The following PIEZO1 variants were observed in gnomAD, a reference collection of about 807,000 sequenced individuals.
PIEZO1 encodes the protein piezo-type mechanosensitive ion channel component 1.
Under a neutral mutation model 297.2 loss-of-function variants are expected in PIEZO1, and 296 were observed. That is an observed-to-expected ratio of 1.00 (90% CI 0.91 to 1.10). The LOEUF (loss-of-function observed/expected upper bound fraction) is 1.10, where lower values mean the gene tolerates loss of function less well. PIEZO1 is among the 50% of genes least tolerant of loss of function. The pLI is 0.00. For missense variants in PIEZO1, 5,018 were observed against 3,455.5 expected, an observed-to-expected ratio of 1.45 and a Z score of -11.34; for synonymous variants, 2,427 against 1,507.5, an observed-to-expected ratio of 1.61 and a Z score of -14.13.
chr16:88,715,628 T>C lies in PIEZO1; in HGVS notation c.7543A>G (p.Lys2515Glu). The change falls in exon 51 of 51, where the codon AAG becomes GAG. Residue 2515 changes from lysine to glutamate, a missense_variant. Lys to Glu is a moderately conservative substitution (Grantham distance 56). Transcript: ENST00000301015. ...TCCTACTCCTTCTCACGAGTCCACT[T>C]GATCATGGTCTCCGGTGAGCGGTAG... ...FLYRSPETMI[K>E]WTREKE The C allele has an allele frequency of 6.5e-7, 1 of 1,550,076 alleles. No homozygotes were observed. The highest frequency in any genetic ancestry group is 8.7e-7 in the Non-Finnish European group (1 of 1,146,890).
At chr16:88,735,712 G>A (rs575830046) in intron 12 of PIEZO1, among the ~76,000 whole-genome samples, 3 of 152,272 alleles carry the variant, frequency 2.0e-5, no homozygotes, top group Admixed American at 6.5e-5. Context: ...ACATGGACAC[G>A]CAGGCACCCT....
intron 2 of PIEZO1, chr16:88,743,518 G>C (rs868531887): frequency 4.4e-6 from 2 of 456,382 alleles, no homozygotes; most frequent in Non-Finnish European, 4.4e-6. Context: ...GTCCAAGGTG[G>C]TGAATGTCAC....
chr16:88,720,061 G>C lies in PIEZO1; in HGVS notation c.6164+8C>G, dbSNP rs749121404. 3.7e-5 allele frequency: 57 copies of C among 1,549,946 alleles called. 1 individual carries two copies. In the Middle Eastern group the frequency reaches 4.2e-3, roughly 113 times the overall value. ...CTGGAGACCGAGCGCCCCCACGCGT[G>C]GGCCCACCTCTCAGTGACGGCGGGC... On this transcript the variant is annotated splice_region_variant and intron_variant, in intron 42 of 50. Coordinates refer to ENST00000301015, the MANE Select transcript of PIEZO1 (RefSeq NM_001142864.4).
At chr16:88,754,885 G>A (rs1250582702) in intron 1 of PIEZO1, among the ~76,000 whole-genome samples, 2 of 152,214 alleles carry the variant, frequency 1.3e-5, no homozygotes, top group Admixed American at 6.5e-5. Context: ...TGGGGGCATC[G>A]TGTGAACGAA....
In PIEZO1 at chr16:88,732,657, C is replaced by T. The variant is rs1904941062; in HGVS notation, c.2740G>A (p.Ala914Thr). 1 of 1,549,604 alleles carries T rather than the reference C, an allele frequency of 6.5e-7. No homozygotes were observed. Among genetic ancestry groups the T allele is most frequent in the South Asian group, 1.2e-5 (1 of 84,032 alleles). ...CCTTTCCGCACCCCAAACCAGTTGGCAGGGTCCACGGGCCCCCGGTACAGC... is the reference window on the plus strand; with the variant it reads ...CCTTTCCGCACCCCAAACCAGTTGGTAGGGTCCACGGGCCCCCGGTACAGC... ...SLLYRGPVDP[A>T]NWFGVRKGFP... is the part of the protein sequence containing the mutation. The change falls in exon 20 of 51, where the codon GCC (alanine) becomes ACC (threonine). Residue 914 changes from alanine to threonine, a missense_variant. Coordinates refer to ENST00000301015, the MANE Select transcript of PIEZO1 (RefSeq NM_001142864.4).
At chr16:88,750,769 G>C (rs1208460632) in intron 1 of PIEZO1, among the ~76,000 whole-genome samples, 3 of 152,196 alleles carry the variant, frequency 2.0e-5, no homozygotes, top group Non-Finnish European at 4.4e-5. Flanking sequence ...AGCCTTTCCG[G>C]GGCTACCAGG....
At position 88,742,335 on chromosome 16, in the gene PIEZO1, A is replaced by C. The variant is rs6500495; in HGVS notation, c.248T>G (p.Ile83Ser). The change falls in exon 3 of 51, where the codon ATT (isoleucine) becomes AGT (serine). Residue 83 changes from isoleucine (I) to serine (S), a missense_variant. Ile to Ser is a moderately radical substitution (Grantham distance 142, BLOSUM62 -2). Coordinates refer to ENST00000301015, the MANE Select transcript of PIEZO1 (RefSeq NM_001142864.4). ...CAGGAGCTGGTCCAGGCGGGGCACA[A>C]TATGCAGGCAGATCTGGAGGGCGAG... ...AHLALQICLH[I>S]VPRLDQLLGP... is the part of the protein sequence containing the mutation. 1.3e-6 allele frequency: 2 copies of C among 1,535,152 alleles called. No homozygotes were observed.
chr16:88,742,899 A>G (rs1905782058), intron 2 of PIEZO1: 2 of 370,586 alleles, frequency 5.4e-6, no homozygotes, highest in Non-Finnish European at 5.5e-6. Context: ...GGCTCTGGAG[A>G]AAAGTGGGGC....
At chr16:88,776,018 T>C (rs1350976860) in intron 1 of PIEZO1, among the ~76,000 whole-genome samples, 1 of 152,084 alleles carries the variant, frequency 6.6e-6, no homozygotes, top group Non-Finnish European at 1.5e-5. Flanking sequence ...GCACAGGCCG[T>C]GGGGCAGTCG....
intron 1 of PIEZO1, among the ~76,000 whole-genome samples, chr16:88,752,179 G>T (rs1369243901): frequency 6.6e-6 from 1 of 152,212 alleles, no homozygotes; most frequent in Non-Finnish European, 1.5e-5. Context: ...GCCCTTCAAT[G>T]CGGCTAACGT....
At chr16:88,726,502 G>A (rs1186496949) in intron 26 of PIEZO1, 45 bp downstream of exon 26, 1 of 1,546,608 alleles carries the variant, frequency 6.5e-7, no homozygotes, top group Non-Finnish European at 8.7e-7. Flanking sequence ...CCCAGGAGCA[G>A]GGGGCTTCCC....
chr16:88,747,440 C>T (rs181124493), intron 2 of PIEZO1, among the ~76,000 whole-genome samples: 2,091 of 152,304 alleles, frequency 0.014, 20 homozygotes, highest in Non-Finnish European at 0.022. Flanking sequence ...CGCTTGAACC[C>T]GCGAGGCGGA....
At chr16:88,736,611 G>A (rs1266706285) in intron 11 of PIEZO1, 28 bp downstream of exon 11, 4 of 1,511,168 alleles carry the variant, frequency 2.6e-6, no homozygotes, top group East Asian at 2.5e-5. Context: ...AGAGGGGGCC[G>A]CCCACCCCAA....
At chr16:88,764,706 G>A (rs571462520) in intron 1 of PIEZO1, among the ~76,000 whole-genome samples, 7 of 147,104 alleles carry the variant, frequency 4.8e-5, no homozygotes, top group African/African-American at 1.3e-4. Context: ...AGCTGGGATC[G>A]CACCACTGCA....
chr16:88,718,070 C>G (rs1364275856), intron 44 of PIEZO1: 1 of 245,614 alleles, frequency 4.1e-6, no homozygotes, highest in Non-Finnish European at 8.1e-6. Flanking sequence ...GATCCTATCT[C>G]AAAAGCCCAA....
In PIEZO1 at chr16:88,732,666, C is replaced by A. The variant is rs554899632; in HGVS notation, c.2731G>T (p.Val911Leu). 170 of 1,549,548 alleles carry A rather than the reference C, an allele frequency of 1.1e-4. No individual in the cohort carries two copies. Among genetic ancestry groups the A allele is most frequent in the Non-Finnish European group, 1.5e-4 (167 of 1,146,518 alleles). Residue 911 changes from valine to leucine, a missense_variant, in exon 20 of 51, where the codon GTG becomes TTG. Val to Leu is a conservative substitution (Grantham distance 32, BLOSUM62 1). Coordinates refer to ENST00000301015, the MANE Select transcript of PIEZO1 (RefSeq NM_001142864.4). ...ISQSLLYRGPVDPANWFGVRK... is the reference protein window; with the variant it reads ...ISQSLLYRGPLDPANWFGVRK... ...ACCCCAAACCAGTTGGCAGGGTCCA[C>A]GGGCCCCCGGTACAGCAGGGACTGG...
At chr16:88,727,946 A>T in intron 22 of PIEZO1, 1 of 272,630 alleles carries the variant, frequency 3.7e-6, no homozygotes, top group Non-Finnish European at 6.9e-6. Context: ...ACACGGCGTC[A>T]TATTCCATGA....
intron 22 of PIEZO1, among the ~76,000 whole-genome samples, chr16:88,730,436 A>G (rs555186347): frequency 6.6e-6 from 1 of 152,106 alleles, no homozygotes; most frequent in South Asian, 2.1e-4. Context: ...CGTCTCTACT[A>G]AAAATACAAA....
chr16:88,785,112 C>A lies in PIEZO1; in HGVS notation c.-148G>T, dbSNP rs1483838504. 7.4e-6 allele frequency: 3 copies of A among 406,852 alleles called. No homozygotes were observed. The highest frequency in any genetic ancestry group is 3.8e-6 in the Non-Finnish European group (1 of 261,300). 25.2% of individuals were successfully genotyped at this position (406,852 alleles called of 1,614,324 possible). A position where few individuals can be genotyped will look rare whatever the true frequency, so the allele number is the denominator to read the frequency against. ...CTTCCTCCTTCTCCTTCGGCCGCCC[C>A]GCCGGTGCCGACGTCCCGGGCCCGC... On this transcript the variant is annotated 5_prime_UTR_variant, in exon 1 of 51. Coordinates refer to ENST00000301015, the MANE Select transcript of PIEZO1 (RefSeq NM_001142864.4).
Sources: allele counts gnomAD v4.1 joint callset (sites outside exome capture counted in the v4.1 genomes callset), GRCh38; gene constraint gnomAD v4.1.1; transcripts MANE v1.5; gene names NCBI Gene and HGNC (gene_info 2026-07-23, HGNC 2026-07-21).